PTPRG: variants seen among roughly 807,000 people sequenced by gnomAD.
PTPRG encodes protein tyrosine phosphatase receptor type G.
In PTPRG, 102 loss-of-function variants were observed where a neutral mutation model predicts 165.3. The ratio of observed to expected loss-of-function variants is 0.62; its 90% CI spans 0.53 to 0.73. PTPRG has a LOEUF of 0.73. Ranked by LOEUF, PTPRG falls within the 30% of genes least tolerant of loss-of-function variation. PTPRG has a pLI of 0.00. For missense variants in PTPRG, 1,866 were observed against 1,861.4 expected (o/e 1.00, Z -0.05); for synonymous variants, 675 against 669.5 (o/e 1.01, Z -0.13).
chr3:61,970,756 A>C (rs1280478448), intron 2 of PTPRG, among the ~76,000 whole-genome samples: 1 of 152,170 alleles, frequency 6.6e-6, no homozygotes, highest in Non-Finnish European at 1.5e-5. Context: ...TTGGCTTTGA[A>C]CTTGGTACAT....
rs900474211 is a variant in PTPRG, at chr3:62,294,640, A to G, written c.*1333A>G. ...TACTCACGCTGCAGTGCATAATGGG[A>G]AAATTAGGAGCATTAATAAGAAATT... On this transcript the variant is annotated 3_prime_UTR_variant, in exon 30 of 30. Coordinates refer to ENST00000474889, the MANE Select transcript of PTPRG (RefSeq NM_002841.4). 4 of 152,080 alleles carry G rather than the reference A, an allele frequency of 2.6e-5. No individual in the cohort carries two copies. Among genetic ancestry groups the G allele is most frequent in the African/African-American group, 9.7e-5 (4 of 41,412 alleles). The allele number at this position is 152,080 out of a possible 1,614,324, so 9.4% of individuals were successfully genotyped here.
At chr3:61,959,535 A>G (rs566676477) in intron 2 of PTPRG, among the ~76,000 whole-genome samples, 1 of 152,328 alleles carries the variant, frequency 6.6e-6, no homozygotes, top group East Asian at 1.9e-4. Flanking sequence ...GGCGGAGCTC[A>G]GGCAGTAATG....
At chr3:61,800,438 G>T (rs1054338260) in intron 2 of PTPRG, among the ~76,000 whole-genome samples, 9 of 152,054 alleles carry the variant, frequency 5.9e-5, no homozygotes, top group Admixed American at 3.9e-4. Context: ...TTCCCAAGGA[G>T]GCTTCTCGGT....
chr3:61,574,805 AG>A (rs1700138992), intron 1 of PTPRG, among the ~76,000 whole-genome samples: 1 of 152,178 alleles, frequency 6.6e-6, no homozygotes, highest in African/African-American at 2.4e-5. Flanking sequence ...AGAAGGTGGA[AG>A]GGGAAGTGGA....
rs758840856 is a variant in PTPRG, at chr3:62,090,683, C to T, written c.615+12425C>T. ...TAAAAATAACAGTAGGTGATATTTA[C>T]GGACTCTGCTCATGTGTCAGCGCCT... On this transcript the variant is annotated intron_variant, in intron 5 of 29. Transcript: ENST00000474889. 4.1e-4 allele frequency among the ~76,000 whole-genome samples: 63 copies of T among 152,174 alleles called. 1 individual carries two copies. Among genetic ancestry groups the T allele is most frequent in the Admixed American group, 2.6e-4 (4 of 15,282 alleles).
intron 1 of PTPRG, among the ~76,000 whole-genome samples, chr3:61,596,582 C>T (rs988468915): frequency 1.3e-5 from 2 of 152,114 alleles, no homozygotes; most frequent in Non-Finnish European, 2.9e-5. Context: ...TAGTGTAACA[C>T]TTCTCTCATT....
rs774262138 is a variant in PTPRG, at chr3:62,080,061, C to CTTTTTTTTTTTTTT, written c.615+1803_615+1804insTTTTTTTTTTTTTT. Among the ~76,000 whole-genome samples the CTTTTTTTTTTTTTT allele has an allele frequency of 1.8e-5, 2 of 111,568 alleles. 1 individual carries two copies. The highest frequency in any genetic ancestry group is 3.7e-5 in the Non-Finnish European group (2 of 54,508). 73.2% of individuals were successfully genotyped at this position (111,568 alleles called of 152,430 possible). On this transcript the variant is annotated intron_variant, in intron 5 of 29. Transcript: ENST00000474889. ...GAGTTCTGTCTGGACCCCTTCGGTT[C>CTTTTTTTTTTTTTT]ATTTTTTTTTTTTTTTTTTTTGAGA... is the stretch of plus-strand genomic sequence containing the variant.
intron 5 of PTPRG, among the ~76,000 whole-genome samples, chr3:62,122,139 C>T (rs929092342): frequency 2.6e-5 from 4 of 152,188 alleles, no homozygotes; most frequent in East Asian, 3.8e-4. Flanking sequence ...TGTAACCCCC[C>T]ACCCTGAAAA....
intron 3 of PTPRG, among the ~76,000 whole-genome samples, chr3:61,992,424 A>T (rs996281575): frequency 3.3e-5 from 5 of 152,062 alleles, no homozygotes; most frequent in Non-Finnish European, 7.4e-5. Flanking sequence ...AGTTGGCATG[A>T]TCTCAGCTCA....
At chr3:62,126,524 T>C (rs6445258) in intron 5 of PTPRG, among the ~76,000 whole-genome samples, 120,677 of 152,180 alleles carry the variant, frequency 0.79, 48,009 homozygotes, top group Middle Eastern at 0.86. Context: ...GTTTTCTCAT[T>C]TGCCGATGGA....
chr3:61,787,170 G>A (rs145551581), intron 2 of PTPRG, among the ~76,000 whole-genome samples: 7 of 152,216 alleles, frequency 4.6e-5, no homozygotes, highest in African/African-American at 1.7e-4. Context: ...AGATGTGTCT[G>A]TTCTTCTCTC....
intron 1 of PTPRG, among the ~76,000 whole-genome samples, chr3:61,684,010 A>G (rs1183632272): frequency 1.3e-5 from 2 of 152,250 alleles, no homozygotes; most frequent in African/African-American, 2.4e-5. Context: ...CAAGCATGAC[A>G]TAAACATGGT....
intron 1 of PTPRG, among the ~76,000 whole-genome samples, chr3:61,575,317 C>T (rs1041120718): frequency 2.6e-5 from 4 of 152,022 alleles, no homozygotes; most frequent in African/African-American, 7.2e-5. Context: ...TCTTATATGC[C>T]TTGGAACCTT....
intron 2 of PTPRG, among the ~76,000 whole-genome samples, chr3:61,978,722 T>A (rs1415810864): frequency 1.3e-5 from 2 of 152,206 alleles, no homozygotes; most frequent in African/African-American, 4.8e-5. Flanking sequence ...TAAGGGCAGA[T>A]GATAAATATT....
intron 2 of PTPRG, among the ~76,000 whole-genome samples, chr3:61,804,892 C>A (rs747096078): frequency 1.3e-5 from 2 of 152,190 alleles, no homozygotes; most frequent in African/African-American, 4.8e-5. Flanking sequence ...TCTCTTCCCC[C>A]CTTTGCAGAC....
intron 1 of PTPRG, among the ~76,000 whole-genome samples, chr3:61,641,448 T>A (rs976717846): frequency 6.6e-6 from 1 of 152,220 alleles, no homozygotes; most frequent in Admixed American, 6.5e-5. Context: ...TTTTATTAAC[T>A]TGGGGGAGAG....
chr3:62,038,186 A>T (rs1362873005), intron 4 of PTPRG, among the ~76,000 whole-genome samples: 1 of 152,184 alleles, frequency 6.6e-6, no homozygotes, highest in Non-Finnish European at 1.5e-5. Context: ...AAATGAAATG[A>T]TTGATCCCAA....
At chr3:61,756,537 G>T (rs1373965604) in intron 2 of PTPRG, among the ~76,000 whole-genome samples, 1 of 152,118 alleles carries the variant, frequency 6.6e-6, no homozygotes, top group Non-Finnish European at 1.5e-5. Context: ...GAAAGACGTT[G>T]TTCTCTCTAC....
At chr3:61,600,654 T>G (rs1700838858) in intron 1 of PTPRG, among the ~76,000 whole-genome samples, 1 of 152,042 alleles carries the variant, frequency 6.6e-6, no homozygotes, top group African/African-American at 2.4e-5. Flanking sequence ...ATCCTCCCAC[T>G]TCAGCCTCCT....
Sources: allele counts gnomAD v4.1 joint callset (sites outside exome capture counted in the v4.1 genomes callset), GRCh38; gene constraint gnomAD v4.1.1; transcripts MANE v1.5; gene names NCBI Gene and HGNC (gene_info 2026-07-23, HGNC 2026-07-21).